Variants in BIN3 observed in about 807,000 individuals in gnomAD.
BIN3 encodes bridging integrator 3.
In BIN3, 41 loss-of-function variants were observed where a neutral mutation model predicts 38.2. That is an observed-to-expected ratio of 1.07 (90% CI 0.84 to 1.39). The LOEUF (loss-of-function observed/expected upper bound fraction) is 1.39. BIN3 is among the 40% of genes most tolerant of loss of function. The pLI is 0.00. For missense variants in BIN3, 361 were observed against 324.3 expected (o/e 1.11, Z -0.87); for synonymous variants, 145 against 122.6 (o/e 1.18, Z -1.21).
At chr8:22,647,859 G>A (rs1305678964) in intron 1 of BIN3, among the ~76,000 whole-genome samples, 1 of 152,154 alleles carries the variant, frequency 6.6e-6, no homozygotes, top group Non-Finnish European at 1.5e-5. Flanking sequence ...GGGCGTGGTG[G>A]CTCACACCTG....
In BIN3 at chr8:22,637,280, G is replaced by C. The variant is rs528918252; in HGVS notation, c.58-318C>G. Among the ~76,000 whole-genome samples the C allele has an allele frequency of 5.3e-5, 8 of 152,344 alleles. No individual in the cohort carries two copies. The South Asian group carries it at 1.7e-3, about 32-fold the overall frequency. ...CCTCACCCCAGGCTGGAGGCAGTCA[G>C]GGTGCTCAGAACGTGACTGGACCCC... On this transcript the variant is annotated intron_variant, in intron 2 of 8. Coordinates refer to ENST00000276416, the MANE Select transcript of BIN3 (RefSeq NM_018688.6).
At chr8:22,646,606 G>A (rs2117562769) in intron 1 of BIN3, among the ~76,000 whole-genome samples, 1 of 152,362 alleles carries the variant, frequency 6.6e-6, no homozygotes, top group South Asian at 2.1e-4. Flanking sequence ...TAATTTGGGA[G>A]TGTTAACCCT....
chr8:22,626,135 C>G (rs956062334), intron 6 of BIN3: 1 of 152,290 alleles, frequency 6.6e-6, no homozygotes, highest in Non-Finnish European at 1.5e-5. Context: ...ACCAAAGCAC[C>G]CTGAATGCTC....
chr8:22,665,739 C>T (rs577808339), intron 1 of BIN3, among the ~76,000 whole-genome samples: 1 of 152,310 alleles, frequency 6.6e-6, no homozygotes, highest in African/African-American at 2.4e-5. Context: ...AGCCCTGGCC[C>T]AGAGTTGGGC....
At chr8:22,631,296 C>T (rs747010222) in intron 4 of BIN3, among the ~76,000 whole-genome samples, 1 of 152,120 alleles carries the variant, frequency 6.6e-6, no homozygotes, top group Non-Finnish European at 1.5e-5. Flanking sequence ...CTGGTACAGG[C>T]GGGACTGGGA....
At chr8:22,628,832 C>T (rs1272010471) in intron 6 of BIN3, among the ~76,000 whole-genome samples, 1 of 152,154 alleles carries the variant, frequency 6.6e-6, no homozygotes, top group Non-Finnish European at 1.5e-5. Context: ...ACAGTCTGTC[C>T]CGAAGCCCAG....
intron 2 of BIN3, among the ~76,000 whole-genome samples, chr8:22,642,555 AAAG>A (rs1802597670): frequency 6.6e-6 from 1 of 152,200 alleles, no homozygotes; most frequent in Non-Finnish European, 1.5e-5. Flanking sequence ...GATGGTTCAT[AAAG>A]AAGGTCAAAT....
At chr8:22,636,697 C>A in intron 3 of BIN3, 111 bp from the exon 4 acceptor site, 1 of 1,236,016 alleles carries the variant, frequency 8.1e-7, no homozygotes, top group Non-Finnish European at 1.1e-6. Context: ...ATCTTCTCCA[C>A]GGGGACTTTT....
At chr8:22,634,410 C>T (rs1802301763) in intron 4 of BIN3, 1 of 447,186 alleles carries the variant, frequency 2.2e-6, no homozygotes. Flanking sequence ...AGTCAGCGCT[C>T]ACCCGGGCAT....
intron 1 of BIN3, among the ~76,000 whole-genome samples, chr8:22,651,897 A>G (rs890783065): frequency 2.0e-5 from 3 of 150,462 alleles, no homozygotes; most frequent in African/African-American, 4.9e-5. Context: ...TCTGTTTCTT[A>G]CTTCTGAAAC....
rs1218337878 is a variant in BIN3, at chr8:22,621,343, G to C, written c.*79C>G. The C allele has an allele frequency of 4.0e-6, 6 of 1,511,630 alleles. No individual in the cohort carries two copies. The highest frequency in any genetic ancestry group is 2.4e-5 in the East Asian group (1 of 41,300). 93.6% of individuals were successfully genotyped at this position (1,511,630 alleles called of 1,614,324 possible). On this transcript the variant is annotated 3_prime_UTR_variant, in exon 9 of 9. Coordinates refer to ENST00000276416, the MANE Select transcript of BIN3 (RefSeq NM_018688.6). ...GGCCACCTCTGTCCCCAGCCTGTGA[G>C]AGGAGCAGCTAGCCCTGAGAAGGGC...
intron 1 of BIN3, among the ~76,000 whole-genome samples, chr8:22,658,137 T>C (rs141517527): frequency 4.6e-5 from 7 of 152,298 alleles, no homozygotes; most frequent in Non-Finnish European, 7.4e-5. Flanking sequence ...GAGTCCTTGA[T>C]TGGTTCTGCT....
intron 1 of BIN3, 50 bp from the exon 2 acceptor site, chr8:22,644,853 G>T (rs1802666558): frequency 2.0e-6 from 3 of 1,527,760 alleles, no homozygotes; most frequent in Non-Finnish European, 2.7e-6. Context: ...GGGGAAGGAT[G>T]CAGCTCAAAG....
At chr8:22,634,868 G>A (rs915381339) in intron 4 of BIN3, among the ~76,000 whole-genome samples, 7 of 152,166 alleles carry the variant, frequency 4.6e-5, no homozygotes, top group Non-Finnish European at 1.0e-4. Context: ...TGGAGAAGAG[G>A]AGCTGAACTC....
chr8:22,650,946 A>G (rs772096410), intron 1 of BIN3, among the ~76,000 whole-genome samples: 2 of 152,202 alleles, frequency 1.3e-5, no homozygotes, highest in Non-Finnish European at 2.9e-5. Context: ...GGATATTGTG[A>G]GTTTTCTTCC....
Position 22,621,651 on chromosome 8 carries a change from T to A in BIN3, c.616-83A>T, listed in dbSNP as rs1801823298. Reference sequence around the variant, plus strand: ...GGGCCAGAGGCTCACACTTCTCTGCTACCCCCTGCCCTTACCCATCTGGAG... The same window carrying A: ...GGGCCAGAGGCTCACACTTCTCTGCAACCCCCTGCCCTTACCCATCTGGAG... On this transcript the variant is annotated intron_variant, in intron 8 of 8. Coordinates refer to ENST00000276416, the MANE Select transcript of BIN3 (RefSeq NM_018688.6). 2.2e-6 allele frequency: 3 copies of A among 1,392,686 alleles called. No individual in the cohort carries two copies. The Admixed American group carries it at 5.1e-5, about 24-fold the overall frequency. The allele number at this position is 1,392,686 out of a possible 1,614,324, so 86.3% of individuals were successfully genotyped here. A position where few individuals can be genotyped will look rare whatever the true frequency, so the allele number is the denominator to read the frequency against.
chr8:22,649,814 C>CAG (rs1316555503), intron 1 of BIN3, among the ~76,000 whole-genome samples: 1 of 60,956 alleles, frequency 1.6e-5, no homozygotes, highest in Non-Finnish European at 3.7e-5. Context: ...CAAAGGACAA[C>CAG]ACACACACAC....
intron 1 of BIN3, among the ~76,000 whole-genome samples, chr8:22,651,983 C>T (rs1249397468): frequency 1.4e-5 from 2 of 142,912 alleles, no homozygotes; most frequent in Non-Finnish European, 3.1e-5. Flanking sequence ...AACGCTTCTA[C>T]CAAGTTTTTT....
At position 22,625,616 on chromosome 8, in the gene BIN3, C is replaced by G. The variant is rs560100220; in HGVS notation, c.339-1253G>C. The G allele has an allele frequency of 4.3e-4, 250 of 575,244 alleles. 3 individuals are homozygous for G. The South Asian group carries it at 4.7e-3, about 11-fold the overall frequency. The allele number at this position is 575,244 out of a possible 1,614,324, so 35.6% of individuals were successfully genotyped here. On this transcript the variant is annotated intron_variant, in intron 6 of 8. Coordinates refer to ENST00000276416, the MANE Select transcript of BIN3 (RefSeq NM_018688.6). ...CAGGAATTTGGTTTTGAGACAGAGT[C>G]TTGCTCTCTCACCCAGGCTGGAGTA...
Sources: gnomAD v4.1 joint callset for allele counts (sites outside exome capture counted in the v4.1 genomes callset) on GRCh38, gnomAD v4.1.1 for gene constraint, MANE v1.5 for transcripts, NCBI Gene and HGNC (gene_info 2026-07-23, HGNC 2026-07-21) for gene names.